Variants in PRKCH observed in about 807,000 individuals in gnomAD.
The protein encoded by PRKCH is protein kinase C eta type.
Under a neutral mutation model 82.5 loss-of-function variants are expected in PRKCH, and 28 were observed. That is an observed-to-expected ratio of 0.34 (90% CI 0.25 to 0.47). The LOEUF is 0.47. Ranked by LOEUF, PRKCH falls within the 20% of genes least tolerant of loss-of-function variation. The pLI, the probability that PRKCH is intolerant of heterozygous loss-of-function variation, is 1.00. For synonymous variants in PRKCH, 322 were observed against 327.4 expected (o/e 0.98, Z 0.18); for missense variants, 705 against 881.8 (o/e 0.80, Z 2.54).
intron 1 of PRKCH, among the ~76,000 whole-genome samples, chr14:61,224,892 G>C (rs1325920459): frequency 6.6e-6 from 1 of 152,216 alleles, no homozygotes; most frequent in African/African-American, 2.4e-5. Context: ...GGGCCCTTAG[G>C]AGTGCCAAAC....
chr14:61,510,353 G>A (rs1887322421), intron 10 of PRKCH, among the ~76,000 whole-genome samples: 1 of 152,246 alleles, frequency 6.6e-6, no homozygotes, highest in East Asian at 1.9e-4. Flanking sequence ...CAAGTAGGAG[G>A]TCTTCTCATA....
intron 2 of PRKCH, among the ~76,000 whole-genome samples, chr14:61,420,826 G>A (rs957915168): frequency 8.5e-5 from 13 of 152,202 alleles, no homozygotes; most frequent in Non-Finnish European, 1.8e-4. Flanking sequence ...GAGGCTAAGC[G>A]TCAGTTGCAA....
chr14:61,379,891 G>T (rs905323761), intron 1 of PRKCH, among the ~76,000 whole-genome samples: 5 of 152,154 alleles, frequency 3.3e-5, no homozygotes, highest in Non-Finnish European at 5.9e-5. Context: ...TGTGGAAAGT[G>T]CTTTTTTGAT....
At chr14:61,517,350 G>A (rs1252214827) in intron 10 of PRKCH, among the ~76,000 whole-genome samples, 1 of 152,196 alleles carries the variant, frequency 6.6e-6, no homozygotes, top group African/African-American at 2.4e-5. Context: ...GCAAAGCAAG[G>A]ACATTGCTAT....
intron 1 of PRKCH, among the ~76,000 whole-genome samples, chr14:61,200,388 A>AGT (rs34645520): frequency 0.049 from 6,986 of 142,458 alleles, 453 homozygotes; most frequent in African/African-American, 0.17. Context: ...TGAGTGAGTG[A>AGT]GTGTGTGTGT....
intron 2 of PRKCH, among the ~76,000 whole-genome samples, chr14:61,408,142 A>G (rs1033180684): frequency 1.6e-4 from 24 of 152,120 alleles, no homozygotes; most frequent in Non-Finnish European, 1.8e-4. Flanking sequence ...AAAACTGAAA[A>G]TACTTTCCCT....
chr14:61,319,374 A>G (rs1483485723), upstream of PRKCH, among the ~76,000 whole-genome samples: 1 of 151,994 alleles, frequency 6.6e-6, no homozygotes, highest in Admixed American at 6.5e-5. Flanking sequence ...CTCTTCTATT[A>G]GTTGTTTTTC....
chr14:61,449,332 CTCCT>C, intron 5 of PRKCH, 80 bp downstream of exon 5: 1 of 1,175,004 alleles, frequency 8.5e-7, no homozygotes. Context: ...CCCTCCCTCC[CTCCT>C]TTCCTCCCCC....
chr14:61,430,971 GTCTGGA>G (rs1883361572), intron 2 of PRKCH, among the ~76,000 whole-genome samples: 4 of 152,270 alleles, frequency 2.6e-5, no homozygotes, highest in Middle Eastern at 3.4e-3. Flanking sequence ...GGCCAGGATG[GTCTGGA>G]TCTCCTGACC....
At chr14:61,234,232 CA>C (rs1390746924) in intron 1 of PRKCH, among the ~76,000 whole-genome samples, 1 of 152,150 alleles carries the variant, frequency 6.6e-6, no homozygotes, top group East Asian at 1.9e-4. Flanking sequence ...GGTTGAAAAA[CA>C]CAGTTACCAT....
intron 1 of PRKCH, among the ~76,000 whole-genome samples, chr14:61,200,965 A>G (rs552617545): frequency 2.0e-4 from 30 of 152,256 alleles, no homozygotes; most frequent in African/African-American, 6.3e-4. Flanking sequence ...TTTTTCATTC[A>G]ACAAGAAAAT....
rs373527895 is a variant in PRKCH, at chr14:61,510,642, G to A, written c.1434-18433G>A. ...AGTTAGAGATGCGGCCTGGCTCTCCGGAGAGAGGTGTCAGGATAGGGATTT... is the reference window on the plus strand; with the variant it reads ...AGTTAGAGATGCGGCCTGGCTCTCCAGAGAGAGGTGTCAGGATAGGGATTT... On this transcript the variant is annotated intron_variant, in intron 10 of 13. Transcript: ENST00000332981. 1.7e-4 allele frequency among the ~76,000 whole-genome samples: 26 copies of A among 152,184 alleles called. 1 individual carries two copies. Among genetic ancestry groups the A allele is most frequent in the Admixed American group, 8.5e-4 (13 of 15,288 alleles).
chr14:61,437,179 C>T (rs941579466), intron 2 of PRKCH, among the ~76,000 whole-genome samples: 2 of 152,124 alleles, frequency 1.3e-5, no homozygotes, highest in South Asian at 2.1e-4. Flanking sequence ...TTGTTTATCA[C>T]GCGTCCTAAT....
intron 1 of PRKCH, among the ~76,000 whole-genome samples, chr14:61,196,595 T>C (rs1467402777): frequency 6.6e-6 from 1 of 152,230 alleles, no homozygotes; most frequent in Non-Finnish European, 1.5e-5. Flanking sequence ...TAAAAGTTAG[T>C]GCTGCTAAAT....
At chr14:61,273,326 G>C (rs550964251) in intron 1 of PRKCH, among the ~76,000 whole-genome samples, 123 of 152,302 alleles carry the variant, frequency 8.1e-4, no homozygotes, top group African/African-American at 2.8e-3. Context: ...GCCAGCAAAT[G>C]GGACAACTAC....
At chr14:61,213,852 A>G (rs918061993) in intron 1 of PRKCH, among the ~76,000 whole-genome samples, 3 of 152,212 alleles carry the variant, frequency 2.0e-5, no homozygotes, top group Non-Finnish European at 2.9e-5. Context: ...TCATTTAACA[A>G]TGGTTTACTG....
chr14:61,190,177 A>G (rs998811636), intron 1 of PRKCH, among the ~76,000 whole-genome samples: 2 of 152,192 alleles, frequency 1.3e-5, no homozygotes, highest in Admixed American at 6.5e-5. Flanking sequence ...CTCAATGGGG[A>G]CTGTTATAAT....
At chr14:61,207,565 C>G (rs570317006) in intron 1 of PRKCH, among the ~76,000 whole-genome samples, 1 of 152,088 alleles carries the variant, frequency 6.6e-6, no homozygotes, top group Non-Finnish European at 1.5e-5. Context: ...TAGATGTTTT[C>G]AATTTACTAG....
chr14:61,502,200 G>T (rs1886949801), intron 10 of PRKCH, among the ~76,000 whole-genome samples: 1 of 151,568 alleles, frequency 6.6e-6, no homozygotes, highest in South Asian at 2.1e-4. Flanking sequence ...GAGTAGCTGG[G>T]ACTATAGCAC....
Sources: allele counts gnomAD v4.1 joint callset (sites outside exome capture counted in the v4.1 genomes callset), GRCh38; gene constraint gnomAD v4.1.1; transcripts MANE v1.5; gene names NCBI Gene and HGNC (gene_info 2026-07-23, HGNC 2026-07-21).